CRTAC1: variants seen among roughly 807,000 people sequenced by gnomAD.
CRTAC1 encodes the protein cartilage acidic protein 1.
CRTAC1 carries 37 observed loss-of-function variants against 67.8 expected under a neutral mutation model. That is an observed-to-expected ratio of 0.55 (90% CI 0.42 to 0.72). The LOEUF (loss-of-function observed/expected upper bound fraction) is 0.72. Among genes scored for constraint, CRTAC1 ranks in the 30% least tolerant of loss-of-function variants. The pLI is 0.00. For synonymous variants in CRTAC1, 348 were observed against 371.0 expected (o/e 0.94, Z 0.71); for missense variants, 780 against 931.6 (o/e 0.84, Z 2.12).
chr10:97,901,981 G>C (rs1207673469), intron 7 of CRTAC1, among the ~76,000 whole-genome samples: 1 of 152,180 alleles, frequency 6.6e-6, no homozygotes, highest in Non-Finnish European at 1.5e-5. Context: ...CTGAGTCCTG[G>C]AGAAGGAGGG....
intron 8 of CRTAC1, among the ~76,000 whole-genome samples, chr10:97,897,867 T>C (rs2050483413): frequency 6.6e-6 from 1 of 152,206 alleles, no homozygotes; most frequent in South Asian, 2.1e-4. Context: ...GGCATCGCAC[T>C]TCCTACCACA....
chr10:97,907,228 G>A (rs552813003), intron 6 of CRTAC1, among the ~76,000 whole-genome samples: 6 of 152,330 alleles, frequency 3.9e-5, no homozygotes, highest in Non-Finnish European at 8.8e-5. Flanking sequence ...TGAAGAAGAC[G>A]TGCATGCCAC....
At chr10:97,955,736 A>G (rs1272608697) in intron 2 of CRTAC1, among the ~76,000 whole-genome samples, 1 of 152,146 alleles carries the variant, frequency 6.6e-6, no homozygotes, top group East Asian at 1.9e-4. Context: ...GGATGATGAC[A>G]TGTTCTTCTT....
intron 2 of CRTAC1, among the ~76,000 whole-genome samples, chr10:97,973,088 T>C (rs1039779527): frequency 6.6e-6 from 1 of 152,234 alleles, no homozygotes; most frequent in African/African-American, 2.4e-5. Context: ...TATGCCATAA[T>C]GCCAACTAAT....
chr10:97,886,162 G>T (rs74720912), intron 11 of CRTAC1, among the ~76,000 whole-genome samples: 1,941 of 152,304 alleles, frequency 0.013, 45 homozygotes, highest in African/African-American at 0.044. Flanking sequence ...GTGCTGGGGG[G>T]AGGACCCATG....
Position 97,873,426 on chromosome 10 carries a change from C to T in CRTAC1, c.1819+6823G>A, listed in dbSNP as rs138402718. Among the ~76,000 whole-genome samples the T allele has an allele frequency of 2.2e-3, 329 of 152,316 alleles. 4 individuals carry two copies. Among genetic ancestry groups the T allele is most frequent in the African/African-American group, 7.5e-3 (311 of 41,580 alleles). On this transcript the variant is annotated intron_variant, in intron 14 of 14. Transcript: ENST00000370597. ...TCCCTCTTTCTTCTGTGTCAGCCTT[C>T]GAGGGCTCTAAACCTTGAGTCTGGG...
At chr10:97,929,435 C>T (rs190549339) in intron 3 of CRTAC1, among the ~76,000 whole-genome samples, 1 of 152,284 alleles carries the variant, frequency 6.6e-6, no homozygotes, top group Non-Finnish European at 1.5e-5. Context: ...GATCAGAATG[C>T]CTCCTCCCCA....
chr10:97,901,615 T>C lies in CRTAC1; in HGVS notation c.1021A>G (p.Met341Val). The change falls in exon 8 of 15, where the codon ATG becomes GTG. Residue 341 changes from methionine (M) to valine (V), a missense_variant. Met to Val is a conservative substitution (Grantham distance 21). Transcript: ENST00000370597. Reference sequence around the variant, plus strand: ...ATGACCGTGCGGACAGGGGAGGGCATGGAGAACTTGGGTGAGGCGATGTCC... The same window carrying C: ...ATGACCGTGCGGACAGGGGAGGGCACGGAGAACTTGGGTGAGGCGATGTCC... ...FRDIASPKFS[M>V]PSPVRTVITA... 6.2e-7 allele frequency: 1 copy of C among 1,613,970 alleles called. No individual in the cohort carries two copies. The highest frequency in any genetic ancestry group is 1.3e-5 in the African/African-American group (1 of 74,964).
At chr10:97,962,127 C>A (rs2051536408) in intron 2 of CRTAC1, among the ~76,000 whole-genome samples, 2 of 152,130 alleles carry the variant, frequency 1.3e-5, no homozygotes, top group African/African-American at 4.8e-5. Flanking sequence ...CCTTCTTCAT[C>A]CGGTGCCTGT....
Position 97,895,669 on chromosome 10 carries a change from A to C in CRTAC1, c.1317+216T>G, listed in dbSNP as rs1253372179. Among the ~76,000 whole-genome samples, 2 of 152,174 alleles carry C rather than the reference A, an allele frequency of 1.3e-5. No homozygotes were observed. Among genetic ancestry groups the C allele is most frequent in the Non-Finnish European group, 2.9e-5 (2 of 68,036 alleles). ...CTCAGGGCACAGTGTTTGGCAGATA[A>C]ATGATACTGGAAGGCAGAGAGGCAA... On this transcript the variant is annotated intron_variant, in intron 10 of 14. Coordinates refer to ENST00000370597, the MANE Select transcript of CRTAC1 (RefSeq NM_018058.7). This position sits in a 1 kb window ranked among gnomAD's most constrained non-coding sequence, Gnocchi z 4.2.
rs145651287 is a variant in CRTAC1, at chr10:97,903,882, C to T, written c.996+787G>A. Among the ~76,000 whole-genome samples the T allele has an allele frequency of 1.5e-3, 222 of 152,224 alleles. 1 individual carries two copies. Among genetic ancestry groups the T allele is most frequent in the African/African-American group, 5.2e-3 (214 of 41,544 alleles). On this transcript the variant is annotated intron_variant, in intron 7 of 14. Coordinates refer to ENST00000370597, the MANE Select transcript of CRTAC1 (RefSeq NM_018058.7). ...CAGAGAGGGCTCTGAGGCCACCTTG[C>T]CTGCCATCTGCTGTTTGTCTTTAGG... is the stretch of plus-strand genomic sequence containing the variant.
intron 8 of CRTAC1, among the ~76,000 whole-genome samples, chr10:97,898,664 G>A (rs1488078553): frequency 6.6e-6 from 1 of 152,192 alleles, no homozygotes. Context: ...GGAAAGGGGT[G>A]TGGCCAGACT....
chr10:97,879,950 C>T (rs1269233578), intron 14 of CRTAC1: 4 of 776,258 alleles, frequency 5.2e-6, no homozygotes. Flanking sequence ...AGTTTATATC[C>T]CAGCTATGAA....
chr10:97,916,542 C>T (rs994176213), intron 5 of CRTAC1, among the ~76,000 whole-genome samples: 2 of 152,188 alleles, frequency 1.3e-5, no homozygotes, highest in Admixed American at 6.5e-5. Flanking sequence ...GATGATGCCA[C>T]CACCCAGGTG....
At chr10:97,948,353 A>G (rs2051297296) in intron 2 of CRTAC1, among the ~76,000 whole-genome samples, 1 of 152,162 alleles carries the variant, frequency 6.6e-6, no homozygotes, top group African/African-American at 2.4e-5. Flanking sequence ...CTGTTTCCTT[A>G]GAGAGGAGAG....
chr10:98,021,635 G>A (rs550203375), intron 1 of CRTAC1, among the ~76,000 whole-genome samples: 114 of 152,324 alleles, frequency 7.5e-4, no homozygotes, highest in South Asian at 1.9e-3. Flanking sequence ...GCCTGGCATA[G>A]AGAAAGTCCA....
intron 2 of CRTAC1, among the ~76,000 whole-genome samples, chr10:97,998,849 A>G (rs1341482251): frequency 6.6e-6 from 1 of 152,250 alleles, no homozygotes; most frequent in Non-Finnish European, 1.5e-5. Context: ...CAGAGTTAAC[A>G]TGTCCTGAAG....
At chr10:97,985,416 A>G (rs1421870113) in intron 2 of CRTAC1, among the ~76,000 whole-genome samples, 2 of 152,086 alleles carry the variant, frequency 1.3e-5, no homozygotes, top group Non-Finnish European at 2.9e-5. Context: ...GGGCTGCTCC[A>G]TCTTCTCCAG....
At chr10:97,916,008 G>A (rs76929068) in intron 5 of CRTAC1, among the ~76,000 whole-genome samples, 16,062 of 151,852 alleles carry the variant, frequency 0.11, 1,425 homozygotes, top group African/African-American at 0.24. Context: ...CCCGCTCCTC[G>A]GTTCTGTGCC....
Sources: gnomAD v4.1 joint callset for allele counts (sites outside exome capture counted in the v4.1 genomes callset) on GRCh38, gnomAD v4.1.1 for gene constraint, Gnocchi (gnomAD v3.1) non-coding constraint, MANE v1.5 for transcripts, NCBI Gene and HGNC (gene_info 2026-07-23, HGNC 2026-07-21) for gene names.